CTNNA2: variants seen among roughly 807,000 people sequenced by gnomAD.
CTNNA2 encodes the protein catenin alpha 2.
Under a neutral mutation model 101.0 loss-of-function variants are expected in CTNNA2, and 42 were observed. The ratio of observed to expected loss-of-function variants is 0.42; its 90% confidence interval spans 0.32 to 0.54. CTNNA2 has a LOEUF of 0.54. Among genes scored for constraint, CTNNA2 ranks in the 20% least tolerant of loss-of-function variants. The pLI is 0.14. For missense variants in CTNNA2, 871 were observed against 1,223.1 expected (o/e 0.71, Z 4.29); for synonymous variants, 450 against 456.4 (o/e 0.99, Z 0.18).
chr2:80,249,001 C>G (rs1671552435), intron 7 of CTNNA2, among the ~76,000 whole-genome samples: 1 of 152,210 alleles, frequency 6.6e-6, no homozygotes, highest in East Asian at 1.9e-4. Flanking sequence ...GGTGGCAGAG[C>G]CTGATTTACT....
chr2:79,445,749 T>C (rs1007314083), intron 4 of CTNNA2, among the ~76,000 whole-genome samples: 18 of 152,200 alleles, frequency 1.2e-4, no homozygotes, highest in African/African-American at 4.1e-4. Context: ...CATAGCCCCT[T>C]TCACAACTCC....
intron 3 of CTNNA2, among the ~76,000 whole-genome samples, chr2:79,823,138 C>G (rs760473651): frequency 1.3e-3 from 201 of 152,280 alleles, no homozygotes; most frequent in Non-Finnish European, 9.8e-4. Flanking sequence ...TCTGTTGCAA[C>G]TTTTCATTAG....
chr2:80,628,916 G>A (rs889006327), intron 18 of CTNNA2, among the ~76,000 whole-genome samples: 1 of 152,108 alleles, frequency 6.6e-6, no homozygotes, highest in Admixed American at 6.6e-5. Flanking sequence ...AGTGGAACAA[G>A]AACTGAATGC....
intron 7 of CTNNA2, among the ~76,000 whole-genome samples, chr2:80,020,714 G>A: frequency 6.6e-6 from 1 of 152,050 alleles, no homozygotes; most frequent in East Asian, 1.9e-4. Context: ...TCGTCTTTTG[G>A]TTTCTTTGTA....
At chr2:80,100,498 G>A (rs938824552) in intron 7 of CTNNA2, among the ~76,000 whole-genome samples, 3 of 152,112 alleles carry the variant, frequency 2.0e-5, no homozygotes, top group Non-Finnish European at 2.9e-5. Context: ...TTCACAGAAC[G>A]TCTTCAAGCA....
intron 1 of CTNNA2, among the ~76,000 whole-genome samples, chr2:79,611,653 G>T (rs1485210900): frequency 6.6e-6 from 1 of 152,130 alleles, no homozygotes; most frequent in East Asian, 1.9e-4. Flanking sequence ...ATTGGGCAGG[G>T]TAGTTCTGAG....
In CTNNA2 at chr2:80,277,456, C is replaced by T. The variant is rs114027617; in HGVS notation, c.1057-115755C>T. Reference sequence around the variant, plus strand: ...ACCATCTTGAAGCTACCTATGAATCCCACCATGAATTGAGAGGTAGAGAGA... The same window carrying T: ...ACCATCTTGAAGCTACCTATGAATCTCACCATGAATTGAGAGGTAGAGAGA... On this transcript the variant is annotated intron_variant, in intron 7 of 18. Transcript: ENST00000402739. Among the ~76,000 whole-genome samples the T allele has an allele frequency of 6.6e-3, 998 of 150,078 alleles. 12 individuals are homozygous for T. The highest frequency in any genetic ancestry group is 0.023 in the African/African-American group (935 of 40,788).
chr2:80,243,033 G>A (rs993251540), intron 7 of CTNNA2, among the ~76,000 whole-genome samples: 3 of 152,180 alleles, frequency 2.0e-5, no homozygotes, highest in Non-Finnish European at 4.4e-5. Context: ...GAGCTAGAGG[G>A]TGACTCCACA....
intron 1 of CTNNA2, among the ~76,000 whole-genome samples, chr2:79,631,024 C>T (rs1679654312): frequency 1.3e-5 from 2 of 152,084 alleles, no homozygotes. Context: ...GTTCTTTTCT[C>T]ATTGATCACA....
chr2:80,524,966 GA>G (rs1352037681), intron 9 of CTNNA2, among the ~76,000 whole-genome samples: 1 of 152,066 alleles, frequency 6.6e-6, no homozygotes, highest in Non-Finnish European at 1.5e-5. Flanking sequence ...GGTTTTTGGG[GA>G]ACAGGTGGTA....
At chr2:79,355,344 CT>C (rs1361225636) in intron 3 of CTNNA2, among the ~76,000 whole-genome samples, 1 of 152,048 alleles carries the variant, frequency 6.6e-6, no homozygotes, top group East Asian at 1.9e-4. Flanking sequence ...GATATTTATT[CT>C]TTTAATCCAT....
intron 4 of CTNNA2, among the ~76,000 whole-genome samples, chr2:79,443,557 T>A (rs1678798721): frequency 6.6e-6 from 1 of 152,132 alleles, no homozygotes; most frequent in South Asian, 2.1e-4. Context: ...TGTCTGGGCA[T>A]CCCTTAGCCC....
intron 3 of CTNNA2, among the ~76,000 whole-genome samples, chr2:79,786,365 T>C (rs942058837): frequency 2.0e-5 from 3 of 152,204 alleles, no homozygotes; most frequent in South Asian, 4.1e-4. Context: ...ATGACCTTTT[T>C]CCCCCAATTT....
chr2:80,537,655 A>G (rs1691159105), intron 9 of CTNNA2, among the ~76,000 whole-genome samples: 1 of 150,790 alleles, frequency 6.6e-6, no homozygotes, highest in Non-Finnish European at 1.5e-5. Context: ...GTGCAATGGC[A>G]TGATCTCAGC....
intron 7 of CTNNA2, among the ~76,000 whole-genome samples, chr2:80,151,052 G>T (rs1164030659): frequency 6.6e-6 from 1 of 152,116 alleles, no homozygotes; most frequent in Non-Finnish European, 1.5e-5. Flanking sequence ...AAGTAGGCAG[G>T]GGCATTTCTC....
At chr2:80,629,864 A>G (rs530285004) in intron 18 of CTNNA2, among the ~76,000 whole-genome samples, 1 of 152,318 alleles carries the variant, frequency 6.6e-6, no homozygotes, top group South Asian at 2.1e-4. Flanking sequence ...TGAGAACCAT[A>G]GGACTGGTTG....
intron 11 of CTNNA2, among the ~76,000 whole-genome samples, chr2:80,554,497 G>A (rs1280571197): frequency 6.6e-6 from 1 of 152,072 alleles, no homozygotes; most frequent in Admixed American, 6.6e-5. Context: ...GGTTCTGGAG[G>A]CTGGGAAGTC....
chr2:80,557,123 G>A (rs560495118), intron 12 of CTNNA2, among the ~76,000 whole-genome samples: 6 of 152,280 alleles, frequency 3.9e-5, no homozygotes, highest in African/African-American at 9.6e-5. Context: ...GAATAGTGTG[G>A]TATCATGTTA....
At chr2:79,974,073 G>T (rs1402807492) in intron 7 of CTNNA2, among the ~76,000 whole-genome samples, 5 of 151,934 alleles carry the variant, frequency 3.3e-5, no homozygotes, top group African/African-American at 1.2e-4. Context: ...TCCCTTTGTC[G>T]CCATCTTCAA....
Sources: gnomAD v4.1 joint callset for allele counts (sites outside exome capture counted in the v4.1 genomes callset) on GRCh38, gnomAD v4.1.1 for gene constraint, MANE v1.5 for transcripts, NCBI Gene and HGNC (gene_info 2026-07-23, HGNC 2026-07-21) for gene names.